CHRNB4: variants seen among roughly 807,000 people sequenced by gnomAD.
CHRNB4 encodes cholinergic receptor nicotinic beta 4 subunit.
Under a neutral mutation model 40.4 loss-of-function variants are expected in CHRNB4, and 23 were observed. The ratio of observed to expected loss-of-function variants is 0.57; its 90% CI spans 0.41 to 0.81. CHRNB4 has a LOEUF of 0.81. CHRNB4 is among the 30% of genes least tolerant of loss of function. The pLI, the probability that CHRNB4 is intolerant of heterozygous loss-of-function variation, is 0.00. For missense variants in CHRNB4, 568 were observed against 670.6 expected (o/e 0.85, Z 1.69); for synonymous variants, 285 against 274.4 (o/e 1.04, Z -0.38).
intron 3 of CHRNB4, 25 bp from the exon 4 acceptor site, chr15:78,631,210 C>G (rs376605650): frequency 6.2e-7 from 1 of 1,613,164 alleles, no homozygotes; most frequent in African/African-American, 1.3e-5. Context: ...AAGGCCCTGT[C>G]ACTTGCAGGT....
chr15:78,639,075 G>A (rs566671091), intron 1 of CHRNB4, among the ~76,000 whole-genome samples: 8 of 152,260 alleles, frequency 5.3e-5, no homozygotes, highest in Non-Finnish European at 1.2e-4. Context: ...AACTGTGTGA[G>A]TGTGTGTCCA....
At chr15:78,631,915 A>G (rs1259807167) in intron 2 of CHRNB4, among the ~76,000 whole-genome samples, 4 of 151,922 alleles carry the variant, frequency 2.6e-5, no homozygotes, top group Non-Finnish European at 5.9e-5. Flanking sequence ...ACCACCCCTC[A>G]TCCCATTAGC....
At chr15:78,644,827 G>C (rs2054109697), upstream of CHRNB4, among the ~76,000 whole-genome samples, 1 of 151,940 alleles carries the variant, frequency 6.6e-6, no homozygotes, top group South Asian at 2.1e-4. Flanking sequence ...AGTAATTGAG[G>C]GGCCAAGAAC....
chr15:78,634,770 T>C (rs550335409), intron 2 of CHRNB4: 31 of 455,934 alleles, frequency 6.8e-5, no homozygotes, highest in African/African-American at 5.4e-4. Flanking sequence ...AGGTTTACAA[T>C]AGGCCATGGT....
intron 6 of CHRNB4, among the ~76,000 whole-genome samples, chr15:78,652,197 T>C (rs933183520): frequency 6.6e-6 from 1 of 152,218 alleles, no homozygotes; most frequent in Non-Finnish European, 1.5e-5. Context: ...TGCTGGGTCA[T>C]GGGGCCATAG....
Position 78,634,968 on chromosome 15 carries a change from G to T in CHRNB4, c.204+471C>A, listed in dbSNP as rs79091973. ...CACGCCCACTGTCCATCCCTCACCA[G>T]CCTGGCTCAATAGGTGCTGCACTGC... On this transcript the variant is annotated intron_variant, in intron 2 of 5. Coordinates refer to ENST00000261751, the MANE Select transcript of CHRNB4 (RefSeq NM_000750.5). Among the ~76,000 whole-genome samples, 2,036 of 152,208 alleles carry T rather than the reference G, an allele frequency of 0.013. 160 individuals are homozygous for T. In the East Asian group the frequency reaches 0.24, roughly 18 times the overall value.
In CHRNB4 at chr15:78,625,298, G is replaced by A; in HGVS notation, c.1339-7C>T. On this transcript the variant is annotated splice_region_variant and splice_polypyrimidine_tract_variant and intron_variant, in intron 5 of 5. Transcript: ENST00000261751. ...ACTTCCAGTCCTCAACGACCTGCAG[G>A]CAGACAGAGGAGTTGGTCACAGGTG... 1.3e-6 allele frequency: 2 copies of A among 1,528,668 alleles called. No homozygotes were observed. The highest frequency in any genetic ancestry group is 1.8e-6 in the Non-Finnish European group (2 of 1,140,146). 94.7% of individuals were successfully genotyped at this position (1,528,668 alleles called of 1,614,324 possible). A position where few individuals can be genotyped will look rare whatever the true frequency, so the allele number is the denominator to read the frequency against.
At position 78,624,364 on chromosome 15, in the gene CHRNB4, AGAG is replaced by A. The variant is rs72440258; in HGVS notation, c.*766_*768del. 4,267 of 152,872 alleles carry A rather than the reference AGAG, an allele frequency of 0.028. 231 individuals are homozygous for A. The highest frequency in any genetic ancestry group is 0.099 in the African/African-American group (4,092 of 41,480). The allele number at this position is 152,872 out of a possible 1,614,324, so 9.5% of individuals were successfully genotyped here. ...ATTGGGTGGTTAGGGAAGGCCTCTC[AGAG>A]GAGGTGACATTGGAGCAAAGAATGG... On this transcript the variant is annotated 3_prime_UTR_variant, in exon 6 of 6. Transcript: ENST00000261751.
chr15:78,632,770 C>A lies in CHRNB4; in HGVS notation c.205-1438G>T, dbSNP rs1168370772. Among the ~76,000 whole-genome samples, 8 of 152,092 alleles carry A rather than the reference C, an allele frequency of 5.3e-5. No homozygotes were observed. In the East Asian group the frequency reaches 1.3e-3, roughly 26 times the overall value. The stretch of plus-strand genomic sequence containing the variant: ...ACTCCATAAATATTTTTTGAATATA[C>A]AGGAATCCTACCATAATAATCCAGG... On this transcript the variant is annotated intron_variant, in intron 2 of 5. Coordinates refer to ENST00000261751, the MANE Select transcript of CHRNB4 (RefSeq NM_000750.5).
At chr15:78,625,410 C>T (rs1434881585) in intron 5 of CHRNB4, 119 bp from the exon 6 acceptor site, 1 of 941,890 alleles carries the variant, frequency 1.1e-6, no homozygotes, top group Non-Finnish European at 1.5e-6. Context: ...GAACTGCATA[C>T]TAGGGGGGCA....
chr15:78,637,472 G>T (rs1431107207), intron 1 of CHRNB4, among the ~76,000 whole-genome samples: 1 of 151,802 alleles, frequency 6.6e-6, no homozygotes, highest in Non-Finnish European at 1.5e-5. Context: ...CAGGTGGGAG[G>T]ATCAGGGAAT....
At chr15:78,632,162 CTT>C (rs2053827203) in intron 2 of CHRNB4, among the ~76,000 whole-genome samples, 1 of 142,202 alleles carries the variant, frequency 7.0e-6, no homozygotes, top group African/African-American at 2.7e-5. Flanking sequence ...TCTTTCTTTT[CTT>C]TTCTTTCTCT....
chr15:78,649,995 T>C (rs1021088954), intron 6 of CHRNB4, among the ~76,000 whole-genome samples: 1 of 144,610 alleles, frequency 6.9e-6, no homozygotes, highest in Non-Finnish European at 1.6e-5. Context: ...TTTGAAATAT[T>C]TTATCAATTT....
intron 7 of CHRNB4, among the ~76,000 whole-genome samples, chr15:78,648,753 CAA>C (rs35846146): frequency 0.051 from 4,101 of 79,930 alleles, 188 homozygotes; most frequent in African/African-American, 0.14. Flanking sequence ...GACTCTGTCT[CAA>C]AAAAAAAAAA....
Position 78,625,128 on chromosome 15 carries a change from G to T in CHRNB4, c.*5C>A. On this transcript the variant is annotated 3_prime_UTR_variant, in exon 6 of 6. Transcript: ENST00000261751. ...CATCCTCTCACCCCACAACCCAGGG[G>T]GCCCTCAGTCACGCTGGGCAGCGTA... 6.2e-7 allele frequency: 1 copy of T among 1,614,040 alleles called. No homozygotes were observed. The highest frequency in any genetic ancestry group is 8.5e-7 in the Non-Finnish European group (1 of 1,180,014).
chr15:78,632,267 C>CT lies in CHRNB4; in HGVS notation c.205-936dup, dbSNP rs1264646091. ...TCTCTCTCTCTCTCTTTCTTTCTTT[C>CT]TTTCTTTCTTTCTCCCTTTCTTTCT... On this transcript the variant is annotated intron_variant, in intron 2 of 5. Coordinates refer to ENST00000261751, the MANE Select transcript of CHRNB4 (RefSeq NM_000750.5). Among the ~76,000 whole-genome samples, 107 of 91,190 alleles carry CT rather than the reference C, an allele frequency of 1.2e-3. 1 individual carries two copies. The highest frequency in any genetic ancestry group is 4.6e-3 in the African/African-American group (106 of 23,094). 59.8% of individuals were successfully genotyped at this position (91,190 alleles called of 152,430 possible). A position where few individuals can be genotyped will look rare whatever the true frequency, so the allele number is the denominator to read the frequency against.
intron 2 of CHRNB4, among the ~76,000 whole-genome samples, chr15:78,632,864 C>T (rs1391532784): frequency 6.6e-6 from 1 of 152,084 alleles, no homozygotes; most frequent in Non-Finnish European, 1.5e-5. Flanking sequence ...ATTCTGTACA[C>T]CACCACCACC....
chr15:78,658,028 C>CTTTTTTT (rs71448810), intron 2 of CHRNB4, among the ~76,000 whole-genome samples: 7 of 90,504 alleles, frequency 7.7e-5, no homozygotes, highest in Non-Finnish European at 1.0e-4. Flanking sequence ...TCTTGTTTCT[C>CTTTTTTT]TTTTTTTTTT....
rs576926309 is a variant in CHRNB4, at chr15:78,629,043, C to T, written c.1262G>A (p.Arg421Gln). 69 of 1,614,120 alleles carry T rather than the reference C, an allele frequency of 4.3e-5. No homozygotes were observed. In the Admixed American group the frequency reaches 6.2e-4, roughly 14 times the overall value. The change falls in exon 5 of 6, where the codon CGA becomes CAA. Residue 421 changes from arginine (R) to glutamine (Q), a missense_variant. Physicochemically the swap from Arg to Gln is conservative, Grantham distance 43. Around this residue, in one of 4 missense-constraint regions of CHRNB4, gnomAD observed 242 missense variants for 274.9 expected, o/e 0.88. Coordinates refer to ENST00000261751, the MANE Select transcript of CHRNB4 (RefSeq NM_000750.5). This position sits in a 1 kb window ranked among gnomAD's most constrained non-coding sequence, Gnocchi z 6.8. ...TTCTAATGCCTCCTGCACATCCTGTCGGAACCTCCCAGAGGACCGCAGCCA... is the reference window on the plus strand; with the variant it reads ...TTCTAATGCCTCCTGCACATCCTGTTGGAACCTCCCAGAGGACCGCAGCCA... ...DFWLRSSGRF[R>Q]QDVQEALEGV...
Sources: allele counts gnomAD v4.1 joint callset (sites outside exome capture counted in the v4.1 genomes callset), GRCh38; gene constraint gnomAD v4.1.1; regional missense constraint gnomAD v4.1.1; non-coding constraint Gnocchi (gnomAD v3.1); transcripts MANE v1.5; gene names NCBI Gene and HGNC (gene_info 2026-07-23, HGNC 2026-07-21).